The following MPP7 variants were observed in gnomAD, a reference collection of about 807,000 sequenced individuals.
The protein encoded by MPP7 is MAGUK p55 subfamily member 7.
A neutral mutation model predicts 76.5 loss-of-function variants in MPP7; 60 were observed. That is an observed-to-expected ratio of 0.78 (90% CI 0.64 to 0.97). The LOEUF (loss-of-function observed/expected upper bound fraction) is 0.97. Ranked by LOEUF, MPP7 falls within the 50% of genes least tolerant of loss-of-function variation. The pLI, the probability that MPP7 is intolerant of heterozygous loss-of-function variation, is 0.00. For synonymous variants in MPP7, 237 were observed against 244.5 expected (o/e 0.97, Z 0.29); for missense variants, 641 against 694.0 (o/e 0.92, Z 0.86).
At chr10:28,131,504 A>G in intron 6 of MPP7, 56 bp downstream of exon 6, 1 of 1,463,046 alleles carries the variant, frequency 6.8e-7, no homozygotes, top group Non-Finnish European at 9.2e-7. Context: ...CATGGTATGC[A>G]CCATCAGATT....
At chr10:28,177,271 A>C (rs950472164) in intron 3 of MPP7, among the ~76,000 whole-genome samples, 1 of 150,160 alleles carries the variant, frequency 6.7e-6, no homozygotes, top group Admixed American at 6.6e-5. Context: ...AAAAAAAAAA[A>C]AAAAAAAAAA....
At chr10:28,056,897 C>G (rs905696573) in intron 15 of MPP7, among the ~76,000 whole-genome samples, 1 of 152,094 alleles carries the variant, frequency 6.6e-6, no homozygotes, top group Non-Finnish European at 1.5e-5. Context: ...GTTTTTAGAT[C>G]AAATATTCCA....
chr10:28,324,588 T>C (rs1254302799), intron 2 of MPP7, among the ~76,000 whole-genome samples: 1 of 152,172 alleles, frequency 6.6e-6, no homozygotes, highest in Non-Finnish European at 1.5e-5. Flanking sequence ...ATAGAACATA[T>C]AGGATAACCA....
chr10:28,208,392 G>A (rs1462577831), intron 2 of MPP7, among the ~76,000 whole-genome samples: 1 of 152,164 alleles, frequency 6.6e-6, no homozygotes, highest in African/African-American at 2.4e-5. Flanking sequence ...TCCTGGGGGT[G>A]TATATAACAG....
At chr10:28,127,102 C>G (rs1835041460) in intron 6 of MPP7, among the ~76,000 whole-genome samples, 1 of 152,228 alleles carries the variant, frequency 6.6e-6, no homozygotes. Context: ...TGGTTTGCAA[C>G]ATAGAATTAG....
rs556621889 is a variant in MPP7, at chr10:28,238,279, A to G, written c.37+289T>C. On this transcript the variant is annotated intron_variant, in intron 2 of 16. Transcript: ENST00000683449. ...ACAGTATTTGCCATACTTTTCTATA[A>G]GTTTCAAATACTTAATTTTTTAAAT... is the stretch of plus-strand genomic sequence containing the variant. 9.2e-5 allele frequency among the ~76,000 whole-genome samples: 14 copies of G among 152,334 alleles called. No homozygotes were observed. In the South Asian group the frequency reaches 2.9e-3, roughly 32 times the overall value.
At chr10:28,265,839 T>C (rs777319632) in intron 1 of MPP7, among the ~76,000 whole-genome samples, 48 of 152,200 alleles carry the variant, frequency 3.2e-4, no homozygotes, top group Non-Finnish European at 4.7e-4. Context: ...TATCCAGACC[T>C]GGGTTTAAAT....
rs569477923 is a variant in MPP7 at position 28,228,629 on chromosome 10, G to A, written c.37+9939C>T. Among the ~76,000 whole-genome samples the A allele has an allele frequency of 7.5e-4, 114 of 152,130 alleles. 1 individual carries two copies. The highest frequency in any genetic ancestry group is 2.7e-3 in the African/African-American group (111 of 41,486). On this transcript the variant is annotated intron_variant, in intron 2 of 16. Transcript: ENST00000683449. ...AAAAATACAAAAATTAGCCGGGTGT[G>A]GTGGCACATCTGTAATCCCAGCTAC...
In MPP7 at chr10:28,265,814, A is replaced by T. The variant is rs148037816; in HGVS notation, c.-131-27079T>A. On this transcript the variant is annotated intron_variant, in intron 1 of 16. Transcript: ENST00000683449. The stretch of plus-strand genomic sequence containing the variant: ...GAGTAAGTGCAGAGGAAAGGGAAAG[A>T]ATGGGTTTTAGGATTATCCAGACCT... Among the ~76,000 whole-genome samples, 725 of 152,286 alleles carry T rather than the reference A, an allele frequency of 4.8e-3. 7 individuals are homozygous for T. Among genetic ancestry groups the T allele is most frequent in the African/African-American group, 0.016 (659 of 41,550 alleles).
At chr10:28,313,965 C>G (rs1258516180) in intron 2 of MPP7, among the ~76,000 whole-genome samples, 1 of 149,708 alleles carries the variant, frequency 6.7e-6, no homozygotes, top group African/African-American at 2.5e-5. Context: ...CTTGGCCTCC[C>G]AAAATGCTGG....
chr10:28,310,599 T>C (rs111536878), intron 2 of MPP7, among the ~76,000 whole-genome samples: 168 of 152,338 alleles, frequency 1.1e-3, no homozygotes, highest in African/African-American at 3.6e-3. Flanking sequence ...AATTTCCTTA[T>C]ACCATTAATT....
intron 15 of MPP7, 57 bp from the exon 16 acceptor site, chr10:28,056,680 A>T (rs981205223): frequency 6.9e-7 from 1 of 1,450,918 alleles, no homozygotes. Context: ...TGAATTACTG[A>T]ATTTTCTTTC....
At chr10:28,061,832 A>C (rs1851797877) in intron 13 of MPP7, among the ~76,000 whole-genome samples, 1 of 76,424 alleles carries the variant, frequency 1.3e-5, no homozygotes, top group South Asian at 5.2e-4. Flanking sequence ...AATGATTTAA[A>C]CTGTCACAGA....
intron 12 of MPP7, among the ~76,000 whole-genome samples, chr10:28,088,802 G>A (rs2133443957): frequency 6.6e-6 from 1 of 152,342 alleles, no homozygotes; most frequent in East Asian, 1.9e-4. Flanking sequence ...TGTGAAGGGT[G>A]CACAAGATAG....
chr10:28,161,942 C>T (rs1836277371), intron 3 of MPP7, among the ~76,000 whole-genome samples: 1 of 152,148 alleles, frequency 6.6e-6, no homozygotes, highest in Non-Finnish European at 1.5e-5. Context: ...TTTCAAACGG[C>T]AGATGGTTAA....
At chr10:28,061,313 T>C (rs562879796) in intron 13 of MPP7, among the ~76,000 whole-genome samples, 43 of 151,962 alleles carry the variant, frequency 2.8e-4, no homozygotes, top group African/African-American at 1.0e-3. Flanking sequence ...TATACTTGAA[T>C]TGAACAAAAA....
intron 3 of MPP7, among the ~76,000 whole-genome samples, chr10:28,189,051 T>C (rs12357694): frequency 0.013 from 2,027 of 152,178 alleles, 16 homozygotes; most frequent in Non-Finnish European, 0.02. Flanking sequence ...AGAGAAAAAA[T>C]AAATAAATAT....
At chr10:28,121,456 C>A (rs1316108629) in intron 8 of MPP7, among the ~76,000 whole-genome samples, 5 of 151,444 alleles carry the variant, frequency 3.3e-5, no homozygotes, top group African/African-American at 1.2e-4. Context: ...TTCTGGTGAG[C>A]GAGTAAAATA....
At chr10:28,059,596 G>A (rs1489266994) in intron 14 of MPP7, 54 bp downstream of exon 14, 2 of 1,094,466 alleles carry the variant, frequency 1.8e-6, no homozygotes, top group Non-Finnish European at 2.8e-6. Flanking sequence ...AAACGGGACA[G>A]GCATGTGCTT....
Sources: gnomAD v4.1 joint callset for allele counts (sites outside exome capture counted in the v4.1 genomes callset) on GRCh38, gnomAD v4.1.1 for gene constraint, MANE v1.5 for transcripts, NCBI Gene and HGNC (gene_info 2026-07-23, HGNC 2026-07-21) for gene names.